The following PSD3 variants were observed in gnomAD, a reference collection of about 807,000 sequenced individuals.
The protein encoded by PSD3 is PH and SEC7 domain-containing protein 3.
In PSD3, 49 loss-of-function variants were observed where a neutral mutation model predicts 105.5. The observed-to-expected ratio is 0.46, with a 90% confidence interval of 0.37 to 0.59. The LOEUF (loss-of-function observed/expected upper bound fraction) is 0.59. Among genes scored for constraint, PSD3 ranks in the 20% least tolerant of loss-of-function variants. The pLI is 0.00. For missense variants in PSD3, 1,561 were observed against 1,263.8 expected (o/e 1.24, Z -3.57); for synonymous variants, 557 against 457.8 (o/e 1.22, Z -2.77).
chr8:18,903,812 C>T (rs1385972862), intron 2 of PSD3, among the ~76,000 whole-genome samples: 2 of 151,964 alleles, frequency 1.3e-5, no homozygotes, highest in South Asian at 2.1e-4. Flanking sequence ...GCCAAGGCAC[C>T]GTTTTGGGGA....
At chr8:18,651,111 G>C (rs1006059598) in intron 10 of PSD3, among the ~76,000 whole-genome samples, 1 of 152,110 alleles carries the variant, frequency 6.6e-6, no homozygotes, top group East Asian at 1.9e-4. Flanking sequence ...ATATTCAAAA[G>C]AGATAAAAGT....
chr8:19,038,922 T>C (rs979907881), intron 1 of PSD3, among the ~76,000 whole-genome samples: 5 of 152,190 alleles, frequency 3.3e-5, no homozygotes, highest in Admixed American at 3.3e-4. Context: ...CAATAAAGCA[T>C]AGATAGATTT....
At chr8:18,558,816 A>T (rs1418225887) in intron 14 of PSD3, among the ~76,000 whole-genome samples, 2 of 152,184 alleles carry the variant, frequency 1.3e-5, no homozygotes, top group Admixed American at 6.5e-5. Context: ...GCAAGACTCC[A>T]TCTCAAAAAA....
At chr8:18,734,995 C>T (rs538583680) in intron 9 of PSD3, among the ~76,000 whole-genome samples, 1 of 152,174 alleles carries the variant, frequency 6.6e-6, no homozygotes, top group African/African-American at 2.4e-5. Context: ...TGCCCTTTAT[C>T]CCCTTGAAAG....
intron 1 of PSD3, among the ~76,000 whole-genome samples, chr8:18,940,849 C>T (rs1231706002): frequency 3.3e-5 from 5 of 152,170 alleles, no homozygotes; most frequent in African/African-American, 1.2e-4. Context: ...AAAAACCACG[C>T]TTCTGTCTGT....
At chr8:18,542,452 C>T (rs1800205984) in intron 15 of PSD3, among the ~76,000 whole-genome samples, 1 of 152,104 alleles carries the variant, frequency 6.6e-6, no homozygotes, top group African/African-American at 2.4e-5. Context: ...TGGTACTAAA[C>T]AAATAATAAC....
chr8:18,932,016 T>A (rs1339125282), intron 2 of PSD3, among the ~76,000 whole-genome samples: 1 of 152,210 alleles, frequency 6.6e-6, no homozygotes, highest in Admixed American at 6.5e-5. Context: ...AGTTTCCACA[T>A]CTATAAAAGG....
chr8:18,987,762 G>A (rs796531725), intron 1 of PSD3, among the ~76,000 whole-genome samples: 8 of 152,080 alleles, frequency 5.3e-5, no homozygotes, highest in Non-Finnish European at 8.8e-5. Context: ...GCAGTGAGCC[G>A]TGACTGCATC....
intron 9 of PSD3, among the ~76,000 whole-genome samples, chr8:18,690,222 G>C (rs1237177336): frequency 6.6e-6 from 1 of 152,146 alleles, no homozygotes. Context: ...ACTGGTCTTG[G>C]AGTCCTGAAA....
chr8:19,050,681 T>G (rs1364539863), intron 1 of PSD3, among the ~76,000 whole-genome samples: 1 of 152,022 alleles, frequency 6.6e-6, no homozygotes, highest in East Asian at 1.9e-4. Context: ...CTCTGGGGAC[T>G]GTTGTGGGGT....
chr8:19,062,107 C>T (rs1302890531), intron 1 of PSD3, among the ~76,000 whole-genome samples: 1 of 152,162 alleles, frequency 6.6e-6, no homozygotes, highest in Non-Finnish European at 1.5e-5. Context: ...CTAGTTCATC[C>T]AGAACACAAG....
At chr8:18,737,530 T>A (rs1353036876) in intron 9 of PSD3, among the ~76,000 whole-genome samples, 1 of 152,132 alleles carries the variant, frequency 6.6e-6, no homozygotes, top group Non-Finnish European at 1.5e-5. Flanking sequence ...TTCAAACTCT[T>A]GACCTCAAGC....
chr8:18,900,283 T>C (rs938222579), intron 2 of PSD3, among the ~76,000 whole-genome samples: 1 of 152,214 alleles, frequency 6.6e-6, no homozygotes, highest in Non-Finnish European at 1.5e-5. Flanking sequence ...ATAGGCATGA[T>C]TTTCTTATAG....
intron 1 of PSD3, among the ~76,000 whole-genome samples, chr8:18,958,146 T>G (rs1440602152): frequency 6.6e-6 from 1 of 152,102 alleles, no homozygotes; most frequent in Non-Finnish European, 1.5e-5. Context: ...TAATAAAATA[T>G]AAGGTAGATA....
chr8:18,916,297 GATATAT>G (rs71218908), intron 2 of PSD3, among the ~76,000 whole-genome samples: 952 of 30,740 alleles, frequency 0.031, 29 homozygotes, highest in Non-Finnish European at 0.039. Flanking sequence ...TAAAAAAAGT[GATATAT>G]ATATATATAT....
intron 1 of PSD3, among the ~76,000 whole-genome samples, chr8:19,073,550 C>CAAAAAAAAAA (rs869154642): frequency 3.6e-4 from 25 of 69,154 alleles, no homozygotes; most frequent in African/African-American, 6.8e-4. Flanking sequence ...AACTGTCTCT[C>CAAAAAAAAAA]AAAAAAAAAA....
chr8:19,029,091 T>C (rs1324638863), intron 1 of PSD3, among the ~76,000 whole-genome samples: 2 of 152,188 alleles, frequency 1.3e-5, no homozygotes, highest in Non-Finnish European at 2.9e-5. Flanking sequence ...GATCAAGTAG[T>C]GTAAGTATTC....
intron 1 of PSD3, among the ~76,000 whole-genome samples, chr8:18,972,864 C>T (rs868694477): frequency 1.3e-5 from 2 of 152,206 alleles, no homozygotes; most frequent in Admixed American, 1.3e-4. Flanking sequence ...CTAAGACACA[C>T]AGCATGGAAA....
In PSD3 at chr8:18,872,667, A is replaced by G. The variant is rs368826604; in HGVS notation, c.197T>C (p.Met66Thr). Reference sequence around the variant, plus strand: ...CCTTAGGCCTTCTCCACCTTCCTCCATGGTCCCATATTCTGGAAATTCATT... The same window carrying G: ...CCTTAGGCCTTCTCCACCTTCCTCCGTGGTCCCATATTCTGGAAATTCATT... Reference protein sequence around the residue: ...VTNEFPEYGTMEEGGEGLRAS... With the variant: ...VTNEFPEYGTTEEGGEGLRAS... The change falls in exon 3 of 16, where the codon ATG (methionine) becomes ACG (threonine). Residue 66 changes from methionine (M) to threonine (T), a missense_variant. Met to Thr is a moderately conservative substitution (Grantham distance 81). Transcript: ENST00000327040. 5.0e-6 allele frequency: 8 copies of G among 1,601,248 alleles called. No individual in the cohort carries two copies. The highest frequency in any genetic ancestry group is 6.8e-6 in the Non-Finnish European group (8 of 1,176,004).
Sources: allele counts gnomAD v4.1 joint callset (sites outside exome capture counted in the v4.1 genomes callset), GRCh38; gene constraint gnomAD v4.1.1; transcripts MANE v1.5; gene names NCBI Gene and HGNC (gene_info 2026-07-23, HGNC 2026-07-21).